PHLPP1: variants seen among roughly 807,000 people sequenced by gnomAD.
PHLPP1 encodes the protein PH domain and leucine rich repeat protein phosphatase 1.
Under a neutral mutation model 117.2 loss-of-function variants are expected in PHLPP1, and 42 were observed. The observed-to-expected ratio is 0.36, with a 90% CI of 0.28 to 0.46. The LOEUF (loss-of-function observed/expected upper bound fraction) is 0.46, where lower values mean the gene tolerates loss of function less well. Ranked by LOEUF, PHLPP1 falls within the 20% of genes least tolerant of loss-of-function variation. The probability of loss-of-function intolerance (pLI) is 1.00; values close to 1 mark genes in which losing one functional copy is unlikely to be tolerated. For synonymous variants in PHLPP1, 1,042 were observed against 970.7 expected (o/e 1.07, Z -1.37); for missense variants, 2,084 against 2,241.9 (o/e 0.93, Z 1.42).
At chr18:62,749,233 G>T (rs401056) in intron 1 of PHLPP1, among the ~76,000 whole-genome samples, 4,839 of 142,902 alleles carry the variant, frequency 0.034, 129 homozygotes, top group Non-Finnish European at 0.055. Flanking sequence ...TATATATAAG[G>T]TTTTTTTTTT....
At chr18:62,977,706 A>G (rs1287303829) in intron 16 of PHLPP1, among the ~76,000 whole-genome samples, 1 of 152,198 alleles carries the variant, frequency 6.6e-6, no homozygotes, top group Non-Finnish European at 1.5e-5. Flanking sequence ...ACCTTTAGAC[A>G]CTACTGCCTC....
intron 1 of PHLPP1, among the ~76,000 whole-genome samples, chr18:62,792,019 T>C (rs535458484): frequency 6.6e-6 from 1 of 152,284 alleles, no homozygotes; most frequent in East Asian, 1.9e-4. Flanking sequence ...ACTATTTTTC[T>C]AGTTTAGATT....
chr18:62,916,805 A>G (rs935805891), intron 9 of PHLPP1, among the ~76,000 whole-genome samples: 10 of 120,494 alleles, frequency 8.3e-5, no homozygotes, highest in African/African-American at 2.0e-4. Flanking sequence ...CCAGGCTGCA[A>G]TGCAGTGGTG....
chr18:62,949,466 A>G (rs1345355513), intron 12 of PHLPP1, among the ~76,000 whole-genome samples: 2 of 152,214 alleles, frequency 1.3e-5, no homozygotes, highest in Admixed American at 6.5e-5. Context: ...CATTTTGATA[A>G]TATCTAATGA....
In PHLPP1 at chr18:62,721,296, A is replaced by C. The variant is rs552303005; in HGVS notation, c.1576+4037A>C. Among the ~76,000 whole-genome samples the C allele has an allele frequency of 6.6e-5, 10 of 152,232 alleles. No homozygotes were observed. The South Asian group carries it at 2.1e-3, about 32-fold the overall frequency. On this transcript the variant is annotated intron_variant, in intron 1 of 16. Transcript: ENST00000262719. ...AATAGTCATGCTTGGATTTAAGTTG[A>C]TATGAATTAAAGTTTACGTAATAGT...
At chr18:62,831,795 C>G (rs971856592) in intron 2 of PHLPP1, among the ~76,000 whole-genome samples, 1 of 152,118 alleles carries the variant, frequency 6.6e-6, no homozygotes, top group African/African-American at 2.4e-5. Context: ...GAATAAATAG[C>G]CTATGTTAGT....
In PHLPP1 at chr18:62,849,828, A is replaced by ATATATATATATATAT. The variant is rs1297336371; in HGVS notation, c.1900-10607_1900-10606insTATATATATATATAT. Reference sequence around the variant, plus strand: ...AAAAAAAAAAAAAAAAAAAAAAAAAAAAAAATATATATATCCTTTAAAGTT... The same window carrying ATATATATATATATAT: ...AAAAAAAAAAAAAAAAAAAAAAAAAATATATATATATATATAAAAATATATATATCCTTTAAAGTT... On this transcript the variant is annotated intron_variant, in intron 3 of 16. Transcript: ENST00000262719. Among the ~76,000 whole-genome samples, 12 of 26,114 alleles carry ATATATATATATATAT rather than the reference A, an allele frequency of 4.6e-4. 1 individual carries two copies. The highest frequency in any genetic ancestry group is 6.8e-4 in the African/African-American group (5 of 7,346). 17.1% of individuals were successfully genotyped at this position (26,114 alleles called of 152,430 possible).
At chr18:62,825,007 A>C (rs374914283) in intron 1 of PHLPP1, among the ~76,000 whole-genome samples, 1 of 151,458 alleles carries the variant, frequency 6.6e-6, no homozygotes, top group Non-Finnish European at 1.5e-5. Context: ...GCTCAGTGCA[A>C]CCTCTGCCTC....
intron 6 of PHLPP1, among the ~76,000 whole-genome samples, chr18:62,900,530 A>G (rs1916696737): frequency 7.1e-6 from 1 of 141,392 alleles, no homozygotes; most frequent in Admixed American, 7.9e-5. Context: ...CTGTGGTGCA[A>G]TCACAGTTCA....
chr18:62,727,877 G>A (rs1248380953), intron 1 of PHLPP1, among the ~76,000 whole-genome samples: 1 of 152,056 alleles, frequency 6.6e-6, no homozygotes, highest in Non-Finnish European at 1.5e-5. Flanking sequence ...GACTTATCAG[G>A]ATACTCCTTT....
At chr18:62,858,585 ATT>A (rs930499194) in intron 3 of PHLPP1, among the ~76,000 whole-genome samples, 21 of 152,226 alleles carry the variant, frequency 1.4e-4, no homozygotes, top group Non-Finnish European at 2.1e-4. Flanking sequence ...TCTTAGGCAG[ATT>A]TACTTCTGGA....
chr18:62,841,168 G>A (rs755312629), intron 3 of PHLPP1, among the ~76,000 whole-genome samples: 4 of 152,140 alleles, frequency 2.6e-5, no homozygotes, highest in Non-Finnish European at 4.4e-5. Flanking sequence ...GACTATAGGC[G>A]TGAGCCACTG....
chr18:62,862,987 C>T (rs962883714), intron 4 of PHLPP1, among the ~76,000 whole-genome samples: 6 of 151,476 alleles, frequency 4.0e-5, no homozygotes, highest in African/African-American at 7.3e-5. Flanking sequence ...ATATTTTGCT[C>T]CAGCAATTCC....
Position 62,972,584 on chromosome 18 carries a change from G to A in PHLPP1, c.3631G>A (p.Gly1211Arg), listed in dbSNP as rs1265463697. The change falls in exon 15 of 17, where the codon GGA (glycine) becomes AGA (arginine). Residue 1211 changes from glycine to arginine, a missense_variant. Transcript: ENST00000262719. ...NREALYGVFDGDRNVEVPYLL... is the reference protein window; with the variant it reads ...NREALYGVFDRDRNVEVPYLL... ...CGAAGCCCTGTATGGTGTGTTTGACGGAGACCGGAATGTGGAGGTGCCCTA... is the reference window on the plus strand; with the variant it reads ...CGAAGCCCTGTATGGTGTGTTTGACAGAGACCGGAATGTGGAGGTGCCCTA... The A allele has an allele frequency of 2.5e-6, 4 of 1,613,900 alleles. No individual in the cohort carries two copies. The highest frequency in any genetic ancestry group is 1.7e-5 in the Admixed American group (1 of 60,022).
chr18:62,878,515 C>T (rs1469099232), intron 4 of PHLPP1, among the ~76,000 whole-genome samples: 1 of 152,160 alleles, frequency 6.6e-6, no homozygotes, highest in Non-Finnish European at 1.5e-5. Context: ...TGTCACTCAC[C>T]ATGCTCTAAA....
chr18:62,774,062 T>C (rs180779824), intron 1 of PHLPP1, among the ~76,000 whole-genome samples: 46 of 152,316 alleles, frequency 3.0e-4, no homozygotes, highest in Non-Finnish European at 1.2e-4. Context: ...AGTATTTTAA[T>C]ACATGTTTTT....
At chr18:62,805,691 T>C (rs1404014354) in intron 1 of PHLPP1, among the ~76,000 whole-genome samples, 2 of 152,172 alleles carry the variant, frequency 1.3e-5, no homozygotes, top group Non-Finnish European at 2.9e-5. Context: ...TGTCTTTCGA[T>C]GGCATACACT....
intron 5 of PHLPP1, 45 bp from the exon 6 acceptor site, chr18:62,895,736 A>G: frequency 8.4e-7 from 1 of 1,191,322 alleles, no homozygotes; most frequent in Non-Finnish European, 1.2e-6. Flanking sequence ...ATAAAGATGT[A>G]AAATTTATAT....
At chr18:62,956,572 C>T (rs1212099143) in intron 12 of PHLPP1, among the ~76,000 whole-genome samples, 1 of 151,682 alleles carries the variant, frequency 6.6e-6, no homozygotes, top group Non-Finnish European at 1.5e-5. Context: ...GAAATTGCAC[C>T]TATGTTTGAG....
Sources: gnomAD v4.1 joint callset for allele counts (sites outside exome capture counted in the v4.1 genomes callset) on GRCh38, gnomAD v4.1.1 for gene constraint, MANE v1.5 for transcripts, NCBI Gene and HGNC (gene_info 2026-07-23, HGNC 2026-07-21) for gene names.